TERB1: variants seen among roughly 807,000 people sequenced by gnomAD.
The protein encoded by TERB1 is telomere repeats-binding bouquet formation protein 1.
A neutral mutation model predicts 92.3 loss-of-function variants in TERB1; 63 were observed. The observed-to-expected ratio is 0.68, with a 90% confidence interval of 0.56 to 0.84. The LOEUF is 0.84. Ranked by LOEUF, TERB1 falls within the 40% of genes least tolerant of loss-of-function variation. The probability of loss-of-function intolerance (pLI) is 0.00; values close to 1 mark genes in which losing one functional copy is unlikely to be tolerated. For synonymous variants in TERB1, 252 were observed against 283.9 expected (o/e 0.89, Z 1.13); for missense variants, 709 against 843.7 (o/e 0.84, Z 1.98).
intron 13 of TERB1, among the ~76,000 whole-genome samples, chr16:66,771,753 A>G (rs192622251): frequency 0.012 from 1,837 of 152,286 alleles, 46 homozygotes; most frequent in Non-Finnish European, 0.012. Flanking sequence ...ATGTCCATCA[A>G]TAAAGGACTG....
intron 16 of TERB1, 143 bp downstream of exon 16, chr16:66,767,272 G>C: frequency 1.9e-6 from 1 of 524,060 alleles, no homozygotes; most frequent in Non-Finnish European, 3.4e-6. Flanking sequence ...CTGGGAGGTG[G>C]AGAGTGCAGT....
intron 13 of TERB1, among the ~76,000 whole-genome samples, chr16:66,771,713 T>C (rs544182616): frequency 4.5e-4 from 68 of 152,072 alleles, no homozygotes; most frequent in Non-Finnish European, 7.6e-4. Context: ...TAGAGTTGTT[T>C]GCAATGGTAA....
At chr16:66,774,440 C>T (rs1267287117) in intron 12 of TERB1, among the ~76,000 whole-genome samples, 1 of 152,092 alleles carries the variant, frequency 6.6e-6, no homozygotes, top group East Asian at 1.9e-4. Context: ...CTGCCTCGGC[C>T]TCCCAAAGTG....
At position 66,798,215 on chromosome 16, in the gene TERB1, T is replaced by C. The variant is rs1959210454; in HGVS notation, c.-32-1385A>G. Among the ~76,000 whole-genome samples the C allele has an allele frequency of 2.6e-5, 4 of 151,594 alleles. No homozygotes were observed. The South Asian group carries it at 6.3e-4, about 24-fold the overall frequency. On this transcript the variant is annotated intron_variant, in intron 2 of 18. Transcript: ENST00000433154. ...TTTTTTAAGAGATAGGGTCTCAATC[T>C]GTCACCCAGGCTGTAGTGCAGTGGC... is the stretch of plus-strand genomic sequence containing the variant.
At chr16:66,780,647 T>C (rs182000943) in intron 9 of TERB1, among the ~76,000 whole-genome samples, 3 of 152,136 alleles carry the variant, frequency 2.0e-5, no homozygotes, top group Admixed American at 2.0e-4. Context: ...AGTTATAGCC[T>C]AAGTGACAAA....
Position 66,794,919 on chromosome 16 carries a change from A to C in TERB1, c.31+1849T>G, listed in dbSNP as rs993313221. 8.3e-4 allele frequency among the ~76,000 whole-genome samples: 84 copies of C among 101,482 alleles called. 2 individuals are homozygous for C. The highest frequency in any genetic ancestry group is 7.3e-3 in the Admixed American group (81 of 11,110). The allele number at this position is 101,482 out of a possible 152,430, so 66.6% of individuals were successfully genotyped here. ...AGTGAGACTCCGTCTCAAAAAAAAA[A>C]AAAACACACACACACACACACACAC... On this transcript the variant is annotated intron_variant, in intron 3 of 18. Transcript: ENST00000433154.
intron 3 of TERB1, among the ~76,000 whole-genome samples, chr16:66,792,865 T>G (rs2018858878): frequency 6.6e-6 from 1 of 152,120 alleles, no homozygotes; most frequent in African/African-American, 2.4e-5. Context: ...AATACAGATT[T>G]TTTTTTAGAA....
chr16:66,796,516 C>G (rs1228688317), intron 3 of TERB1, among the ~76,000 whole-genome samples: 1 of 152,246 alleles, frequency 6.6e-6, no homozygotes, highest in African/African-American at 2.4e-5. Context: ...GTAGTCCTCT[C>G]AGGTTCCCAT....
intron 3 of TERB1, 73 bp downstream of exon 3, chr16:66,796,695 C>A (rs751064799): frequency 9.8e-7 from 1 of 1,015,336 alleles, no homozygotes; most frequent in Non-Finnish European, 1.5e-6. Flanking sequence ...TTTCCTGGAT[C>A]CTGTCAGATA....
chr16:66,786,376 C>T (rs2018729377), intron 6 of TERB1, 91 bp from the exon 7 acceptor site: 3 of 913,054 alleles, frequency 3.3e-6, no homozygotes, highest in African/African-American at 1.7e-5. Context: ...TAATAAATAA[C>T]TTTTAAACAA....
At chr16:66,783,011 C>T (rs534843536) in intron 9 of TERB1, among the ~76,000 whole-genome samples, 14 of 147,234 alleles carry the variant, frequency 9.5e-5, no homozygotes, top group Non-Finnish European at 1.9e-4. Flanking sequence ...AACCATTACA[C>T]CTGGCTAGTT....
At chr16:66,771,541 C>T (rs1482977501) in intron 13 of TERB1, among the ~76,000 whole-genome samples, 1 of 152,004 alleles carries the variant, frequency 6.6e-6, no homozygotes, top group Non-Finnish European at 1.5e-5. Context: ...GTGGGAGGTC[C>T]TGGAACCAAT....
chr16:66,785,955 A>G, intron 8 of TERB1, 47 bp from the exon 9 acceptor site: 5 of 1,528,308 alleles, frequency 3.3e-6, no homozygotes, highest in Non-Finnish European at 4.4e-6. Flanking sequence ...CAATTGGAAA[A>G]TATCAGTTTT....
chr16:66,761,109 C>CAAAAAAAAAAAA (rs34199990), intron 16 of TERB1, among the ~76,000 whole-genome samples: 2 of 71,036 alleles, frequency 2.8e-5, no homozygotes, highest in Non-Finnish European at 2.6e-5. Context: ...GACTCCACCT[C>CAAAAAAAAAAAA]AAAAAAAAAA....
chr16:66,760,456 C>CAAAAAA (rs1338924292), intron 16 of TERB1, among the ~76,000 whole-genome samples: 422 of 37,612 alleles, frequency 0.011, no homozygotes, highest in Middle Eastern at 0.038. Flanking sequence ...GACTCCATCT[C>CAAAAAA]AAAAAAAAAA....
intron 7 of TERB1, 34 bp downstream of exon 7, chr16:66,786,191 A>C: frequency 3.3e-6 from 5 of 1,533,428 alleles, no homozygotes; most frequent in Non-Finnish European, 4.4e-6. Context: ...CTAAGTAATG[A>C]ATAATTAACA....
chr16:66,759,558 G>A (rs544675702), intron 16 of TERB1, among the ~76,000 whole-genome samples: 2 of 152,118 alleles, frequency 1.3e-5, no homozygotes, highest in Non-Finnish European at 2.9e-5. Context: ...CCAGCACTTT[G>A]GGAGGCCAAG....
Position 66,790,902 on chromosome 16 carries a change from A to G in TERB1, c.142+7T>C. The G allele has an allele frequency of 6.6e-7, 1 of 1,526,088 alleles. No individual in the cohort carries two copies. Among genetic ancestry groups the G allele is most frequent in the Non-Finnish European group, 8.9e-7 (1 of 1,126,110 alleles). 94.5% of individuals were successfully genotyped at this position (1,526,088 alleles called of 1,614,324 possible). A position where few individuals can be genotyped will look rare whatever the true frequency, so the allele number is the denominator to read the frequency against. ...ATCACAGATAAAAATTCACTATTAT[A>G]TCTTACTGTTTTGTTGACAAATTGA... On this transcript the variant is annotated splice_region_variant and intron_variant, in intron 4 of 18. Transcript: ENST00000433154.
chr16:66,769,957 C>G lies in TERB1; in HGVS notation c.1619+6G>C. The G allele has an allele frequency of 6.5e-7, 1 of 1,530,482 alleles. No individual in the cohort carries two copies. Among genetic ancestry groups the G allele is most frequent in the Non-Finnish European group, 8.9e-7 (1 of 1,128,790 alleles). 94.8% of individuals were successfully genotyped at this position (1,530,482 alleles called of 1,614,324 possible). On this transcript the variant is annotated splice_donor_region_variant and intron_variant, in intron 14 of 18. Coordinates refer to ENST00000433154, the MANE Select transcript of TERB1 (RefSeq NM_001136505.2). ...ATAAAAGTTACACACAATTATTAAA[C>G]TATACCTTGATTGAGAAACAAAATT... is the stretch of plus-strand genomic sequence containing the variant.
Sources: allele counts gnomAD v4.1 joint callset (sites outside exome capture counted in the v4.1 genomes callset), GRCh38; gene constraint gnomAD v4.1.1; transcripts MANE v1.5; gene names NCBI Gene and HGNC (gene_info 2026-07-23, HGNC 2026-07-21).